SLC2A14: variants seen among roughly 807,000 people sequenced by gnomAD.
SLC2A14 encodes solute carrier family 2, facilitated glucose transporter member 14.
A neutral mutation model predicts 43.0 loss-of-function variants in SLC2A14; 13 were observed. The observed-to-expected ratio is 0.30, with a 90% CI of 0.20 to 0.48. The LOEUF (loss-of-function observed/expected upper bound fraction) is 0.48. Among genes scored for constraint, SLC2A14 ranks in the 20% least tolerant of loss-of-function variants. The pLI is 0.99. For synonymous variants in SLC2A14, 190 were observed against 233.8 expected, an observed-to-expected ratio of 0.81 and a Z score of 1.71; for missense variants, 428 against 620.4, an observed-to-expected ratio of 0.69 and a Z score of 3.29.
upstream of SLC2A14, among the ~76,000 whole-genome samples, chr12:7,878,187 A>G (rs2121098156): frequency 6.6e-6 from 1 of 152,200 alleles, no homozygotes; most frequent in South Asian, 2.1e-4. Flanking sequence ...GGTTGCTGGG[A>G]CTACAGGTGG....
intron 2 of SLC2A14, chr12:7,863,421 A>C (rs914106793): frequency 4.4e-5 from 20 of 453,420 alleles, no homozygotes; most frequent in Non-Finnish European, 8.4e-5. Flanking sequence ...GAACCCACCA[A>C]TTCCAGACAC....
intron 5 of SLC2A14, among the ~76,000 whole-genome samples, 187 bp downstream of exon 5, chr12:7,829,579 A>T (rs1350541066): frequency 6.6e-6 from 1 of 152,042 alleles, no homozygotes; most frequent in African/African-American, 2.4e-5. Flanking sequence ...AAAAAGAAAA[A>T]AGGAAAAAAG....
At chr12:7,830,111 C>G (rs967425688) in intron 4 of SLC2A14, 105 bp from the exon 5 acceptor site, 1 of 1,419,364 alleles carries the variant, frequency 7.0e-7, no homozygotes, top group Non-Finnish European at 9.5e-7. Context: ...TATATCAACT[C>G]CTTTTTTGGT....
At chr12:7,881,356 G>T (rs1164627762) in intron 1 of SLC2A14, among the ~76,000 whole-genome samples, 1 of 151,860 alleles carries the variant, frequency 6.6e-6, no homozygotes, top group African/African-American at 2.4e-5. Flanking sequence ...TGGGCTCGGC[G>T]GGCCCCGCAC....
intron 2 of SLC2A14, among the ~76,000 whole-genome samples, chr12:7,841,118 T>C (rs1391211831): frequency 6.6e-6 from 1 of 152,206 alleles, no homozygotes; most frequent in Non-Finnish European, 1.5e-5. Context: ...CTTTGTTTTT[T>C]AATTAATAGG....
chr12:7,852,827 T>C (rs1343811406), intron 2 of SLC2A14, among the ~76,000 whole-genome samples: 1 of 152,092 alleles, frequency 6.6e-6, no homozygotes, highest in Non-Finnish European at 1.5e-5. Flanking sequence ...AAGGCTGAAA[T>C]ACCTCACCCA....
chr12:7,888,648 A>G (rs999560478), intron 1 of SLC2A14, among the ~76,000 whole-genome samples: 4 of 151,896 alleles, frequency 2.6e-5, no homozygotes, highest in Non-Finnish European at 5.9e-5. Flanking sequence ...AAATACAAAA[A>G]TTAGCCAGGC....
At position 7,872,878 on chromosome 12, in the gene SLC2A14, C is replaced by A; in HGVS notation, c.-129G>T. 3.0e-6 allele frequency: 3 copies of A among 985,648 alleles called. No homozygotes were observed. The highest frequency in any genetic ancestry group is 3.6e-6 in the Non-Finnish European group (3 of 830,132). 61.1% of individuals were successfully genotyped at this position (985,648 alleles called of 1,614,324 possible). A position where few individuals can be genotyped will look rare whatever the true frequency, so the allele number is the denominator to read the frequency against. On this transcript the variant is annotated 5_prime_UTR_variant, in exon 1 of 11. Transcript: ENST00000431042. ...CACGCACCTCCCGGGCCGCTGCGCC[C>A]CCGCCGGCCCCGCCTGCAGCCGTTG... is the stretch of plus-strand genomic sequence containing the variant.
At chr12:7,838,750 G>A (rs180913187) in intron 2 of SLC2A14, among the ~76,000 whole-genome samples, 101 of 152,316 alleles carry the variant, frequency 6.6e-4, no homozygotes, top group African/African-American at 2.4e-3. Flanking sequence ...GGGCCAGAGG[G>A]CAAAGTGTTA....
chr12:7,883,368 G>A (rs1452985383), intron 1 of SLC2A14, among the ~76,000 whole-genome samples: 3 of 144,560 alleles, frequency 2.1e-5, no homozygotes, highest in Non-Finnish European at 3.0e-5. Context: ...CTGGGTTCAC[G>A]CCATTCTCTT....
intron 2 of SLC2A14, among the ~76,000 whole-genome samples, chr12:7,867,618 A>G (rs1944996551): frequency 6.6e-6 from 1 of 152,048 alleles, no homozygotes; most frequent in Non-Finnish European, 1.5e-5. Context: ...AGGCTGAGGC[A>G]GGCAGATCAC....
upstream of SLC2A14, among the ~76,000 whole-genome samples, chr12:7,874,911 A>G (rs1415064092): frequency 5.2e-5 from 5 of 95,578 alleles, no homozygotes; most frequent in African/African-American, 9.8e-5. Flanking sequence ...ATATAAATAC[A>G]TATATAAATA....
intron 2 of SLC2A14, among the ~76,000 whole-genome samples, chr12:7,858,983 A>AG (rs1944400177): frequency 6.6e-6 from 1 of 152,100 alleles, no homozygotes; most frequent in Non-Finnish European, 1.5e-5. Flanking sequence ...ATACAGTATG[A>AG]GGTAAAGGTC....
intron 1 of SLC2A14, among the ~76,000 whole-genome samples, chr12:7,883,292 G>T (rs1268036527): frequency 1.2e-4 from 17 of 140,046 alleles, no homozygotes; most frequent in Non-Finnish European, 3.1e-5. Flanking sequence ...TTTTGAGATG[G>T]AGTCTTGCTT....
upstream of SLC2A14, among the ~76,000 whole-genome samples, chr12:7,875,050 T>A (rs1348927001): frequency 4.4e-5 from 5 of 112,486 alleles, no homozygotes; most frequent in Non-Finnish European, 8.4e-5. Context: ...TATATATTTA[T>A]ATATAAATTA....
At chr12:7,883,520 C>T (rs1945628613) in intron 1 of SLC2A14, among the ~76,000 whole-genome samples, 1 of 151,054 alleles carries the variant, frequency 6.6e-6, no homozygotes, top group African/African-American at 2.4e-5. Context: ...CCTGCCTCGG[C>T]CTCCCAAAGT....
At chr12:7,823,793 C>A (rs1864129488) in intron 7 of SLC2A14, among the ~76,000 whole-genome samples, 1 of 152,004 alleles carries the variant, frequency 6.6e-6, no homozygotes, top group South Asian at 2.1e-4. Flanking sequence ...ATCTAGGTTA[C>A]CCAGGTTCAC....
chr12:7,822,212 G>T (rs191334491), intron 7 of SLC2A14, among the ~76,000 whole-genome samples: 1 of 151,992 alleles, frequency 6.6e-6, no homozygotes, highest in African/African-American at 2.4e-5. Flanking sequence ...ACCCACCTCA[G>T]CCTCCCAAAG....
chr12:7,883,717 G>A (rs1437693568), intron 1 of SLC2A14, among the ~76,000 whole-genome samples: 2 of 145,052 alleles, frequency 1.4e-5, no homozygotes, highest in Non-Finnish European at 3.0e-5. Flanking sequence ...CCGAGTAGTT[G>A]GGATTACAGG....
Sources: allele counts gnomAD v4.1 joint callset (sites outside exome capture counted in the v4.1 genomes callset), GRCh38; gene constraint gnomAD v4.1.1; transcripts MANE v1.5; gene names NCBI Gene and HGNC (gene_info 2026-07-23, HGNC 2026-07-21).